Variants in KDSR observed in about 807,000 individuals in gnomAD.
The protein encoded by KDSR is 3-dehydrosphinganine reductase.
Under a neutral mutation model 41.3 loss-of-function variants are expected in KDSR, and 23 were observed. The observed-to-expected ratio is 0.56, with a 90% CI of 0.40 to 0.79. KDSR has a LOEUF of 0.79. Ranked by LOEUF, KDSR falls within the 30% of genes least tolerant of loss-of-function variation. The pLI is 0.00. For missense variants in KDSR, 351 were observed against 416.8 expected (o/e 0.84, Z 1.37); for synonymous variants, 138 against 151.7 (o/e 0.91, Z 0.66).
chr18:63,339,027 G>A, intron 7 of KDSR, 144 bp from the exon 8 acceptor site: 1 of 588,356 alleles, frequency 1.7e-6, no homozygotes. Flanking sequence ...AGGTCCATCT[G>A]GATTCTAAAT....
At chr18:63,357,355 T>C (rs1053619873) in intron 3 of KDSR, among the ~76,000 whole-genome samples, 1 of 151,820 alleles carries the variant, frequency 6.6e-6, no homozygotes, top group East Asian at 1.9e-4. Context: ...AAAGCTTTTC[T>C]AATAGTAAAA....
intron 1 of KDSR, among the ~76,000 whole-genome samples, chr18:63,363,756 T>C (rs888032249): frequency 6.6e-6 from 1 of 152,182 alleles, no homozygotes; most frequent in African/African-American, 2.4e-5. Context: ...TAATATACAA[T>C]CACAAGGAAA....
chr18:63,335,456 T>A, intron 8 of KDSR, 98 bp from the exon 9 acceptor site: 1 of 796,404 alleles, frequency 1.3e-6, no homozygotes, highest in Non-Finnish European at 2.1e-6. Context: ...TCGTTCACTT[T>A]AAGTGAGATA....
At chr18:63,364,982 A>G (rs530430422) in intron 1 of KDSR, among the ~76,000 whole-genome samples, 2 of 152,258 alleles carry the variant, frequency 1.3e-5, no homozygotes, top group Non-Finnish European at 2.9e-5. Context: ...ACTCCATGTT[A>G]GGATTTTAAC....
chr18:63,339,359 G>A (rs1002260561), intron 7 of KDSR, among the ~76,000 whole-genome samples: 2 of 152,212 alleles, frequency 1.3e-5, no homozygotes, highest in Non-Finnish European at 2.9e-5. Flanking sequence ...TGGCGCCCAA[G>A]GCAGGGACAG....
rs139383635 is a variant in KDSR, at chr18:63,337,113, AAT to A, written c.777+1685_777+1686del. Among the ~76,000 whole-genome samples, 7 of 127,774 alleles carry A rather than the reference AAT, an allele frequency of 5.5e-5. No homozygotes were observed. In the East Asian group the frequency reaches 6.3e-4, roughly 11 times the overall value. 83.8% of individuals were successfully genotyped at this position (127,774 alleles called of 152,430 possible). Reference sequence around the variant, plus strand: ...GTGACTTTATATATATATATATGTGAATATATATATATATATATATATATGGA... The same window carrying A: ...GTGACTTTATATATATATATATGTGAATATATATATATATATATATATGGA... On this transcript the variant is annotated intron_variant, in intron 8 of 9. Transcript: ENST00000645214.
chr18:63,330,122 T>C lies in KDSR; in HGVS notation c.*1660A>G, dbSNP rs1450820567. The C allele has an allele frequency of 1.1e-5, 2 of 190,444 alleles. No homozygotes were observed. Among genetic ancestry groups the C allele is most frequent in the East Asian group, 1.7e-4 (2 of 11,858 alleles). The allele number at this position is 190,444 out of a possible 1,614,324, so 11.8% of individuals were successfully genotyped here. Reference sequence around the variant, plus strand: ...GGGTTAAAGCCATAAAACATCTTATTTTTTAAAAAGTTAAGTCATTTAAAG... The same window carrying C: ...GGGTTAAAGCCATAAAACATCTTATCTTTTAAAAAGTTAAGTCATTTAAAG... On this transcript the variant is annotated 3_prime_UTR_variant, in exon 10 of 10. Coordinates refer to ENST00000645214, the MANE Select transcript of KDSR (RefSeq NM_002035.4).
At position 63,367,087 on chromosome 18, in the gene KDSR, G is replaced by A. The variant is rs778337145; in HGVS notation, c.32C>T (p.Ala11Val). The A allele has an allele frequency of 7.5e-7, 1 of 1,337,210 alleles. No homozygotes were observed. Among genetic ancestry groups the A allele is most frequent in the Non-Finnish European group, 9.6e-7 (1 of 1,039,586 alleles). The allele number at this position is 1,337,210 out of a possible 1,614,324, so 82.8% of individuals were successfully genotyped here. MLLLAAAFLV[A>V]FVLLLYMVSP... is the part of the protein sequence containing the mutation. ...CACCATGTACAGCAGCAGCACGAAG[G>A]CCACGAGGAAGGCGGCAGCCAGCAG... Residue 11 changes from alanine (A) to valine (V), a missense_variant, in exon 1 of 10, where the codon GCC becomes GTC. Transcript: ENST00000645214.
At chr18:63,355,400 AT>A (rs1914768119) in intron 4 of KDSR, 97 bp downstream of exon 4, 3 of 1,607,028 alleles carry the variant, frequency 1.9e-6, no homozygotes, top group Non-Finnish European at 2.5e-6. Flanking sequence ...TATTAAACCT[AT>A]AGAGAAGTTG....
chr18:63,359,712 T>C lies in KDSR; in HGVS notation c.255+24A>G, dbSNP rs61758852. ...CAGCTGTGCTGAGTTATACAGAAAATGCATTCTGAAGACAGAGATTTACCT... is the reference window on the plus strand; with the variant it reads ...CAGCTGTGCTGAGTTATACAGAAAACGCATTCTGAAGACAGAGATTTACCT... On this transcript the variant is annotated intron_variant, in intron 3 of 9. Transcript: ENST00000645214. The C allele has an allele frequency of 0.026, 39,687 of 1,499,690 alleles. 4,206 individuals carry two copies. In the East Asian group the frequency reaches 0.3, roughly 11 times the overall value. The allele number at this position is 1,499,690 out of a possible 1,614,324, so 92.9% of individuals were successfully genotyped here.
chr18:63,349,647 G>A (rs1914608413), intron 6 of KDSR, among the ~76,000 whole-genome samples: 1 of 152,220 alleles, frequency 6.6e-6, no homozygotes. Context: ...CGCTGTCCCA[G>A]CAGCTCATCT....
At chr18:63,359,474 T>TA (rs971500746) in intron 3 of KDSR, 5,020 of 337,894 alleles carry the variant, frequency 0.015, no homozygotes, top group Middle Eastern at 0.021. Flanking sequence ...TAAAGTTCAT[T>TA]AAAAAAAAAA....
chr18:63,365,160 G>A (rs1298328125), intron 1 of KDSR, among the ~76,000 whole-genome samples: 4 of 152,236 alleles, frequency 2.6e-5, no homozygotes, highest in Non-Finnish European at 4.4e-5. Context: ...TTGGCCGGGC[G>A]CGATGGCTCG....
At chr18:63,344,344 A>G (rs1262053036) in intron 7 of KDSR, 66 bp downstream of exon 7, 4 of 1,095,232 alleles carry the variant, frequency 3.7e-6, no homozygotes, top group Non-Finnish European at 5.6e-6. Flanking sequence ...TGAGCTGAAG[A>G]GTAGAAAGAA....
intron 7 of KDSR, among the ~76,000 whole-genome samples, chr18:63,343,737 C>G (rs1273199232): frequency 7.4e-6 from 1 of 135,968 alleles, no homozygotes; most frequent in African/African-American, 2.8e-5. Context: ...TAAATAATTT[C>G]TAAATCTTAA....
chr18:63,354,057 C>T (rs1164110240), intron 5 of KDSR, among the ~76,000 whole-genome samples: 1 of 152,170 alleles, frequency 6.6e-6, no homozygotes, highest in Non-Finnish European at 1.5e-5. Context: ...CCCCTCTCCA[C>T]AGGGTAGATC....
rs945880883 is a variant in KDSR, at chr18:63,361,411, G to A, written c.198+1368C>T. Among the ~76,000 whole-genome samples, 7 of 151,838 alleles carry A rather than the reference G, an allele frequency of 4.6e-5. No homozygotes were observed. The South Asian group carries it at 1.2e-3, about 27-fold the overall frequency. ...CACAAAATGCCATTTCATCAAATTT[G>A]TGTTTTCATTTATGTAAGGTGGCTT... On this transcript the variant is annotated intron_variant, in intron 2 of 9. Coordinates refer to ENST00000645214, the MANE Select transcript of KDSR (RefSeq NM_002035.4).
chr18:63,348,983 C>A (rs1914590840), intron 6 of KDSR, among the ~76,000 whole-genome samples: 1 of 152,184 alleles, frequency 6.6e-6, no homozygotes, highest in African/African-American at 2.4e-5. Context: ...ATTTCTGTCA[C>A]TAAGTAACTA....
chr18:63,363,770 T>G (rs1915058965), intron 1 of KDSR, among the ~76,000 whole-genome samples: 1 of 152,228 alleles, frequency 6.6e-6, no homozygotes, highest in Non-Finnish European at 1.5e-5. Flanking sequence ...AAGGAAATCC[T>G]GAAAAGTAAA....
Sources: gnomAD v4.1 joint callset for allele counts (sites outside exome capture counted in the v4.1 genomes callset) on GRCh38, gnomAD v4.1.1 for gene constraint, MANE v1.5 for transcripts, NCBI Gene and HGNC (gene_info 2026-07-23, HGNC 2026-07-21) for gene names.